Variants in BMP1 observed in about 807,000 individuals in gnomAD.
BMP1 encodes the protein bone morphogenetic protein 1, also known as mammalian tolloid protein.
In BMP1, 63 loss-of-function variants were observed where a neutral mutation model predicts 116.8. That is an observed-to-expected ratio of 0.54 (90% CI 0.44 to 0.67). The LOEUF is 0.67. Among genes scored for constraint, BMP1 ranks in the 30% least tolerant of loss-of-function variants. The pLI, the probability that BMP1 is intolerant of heterozygous loss-of-function variation, is 0.00. For missense variants in BMP1, 1,183 were observed against 1,358.9 expected, an observed-to-expected ratio of 0.87 and a Z score of 2.04; for synonymous variants, 536 against 533.4, an observed-to-expected ratio of 1.00 and a Z score of -0.07.
rs1586443014 is a variant in BMP1 at position 22,179,147 on chromosome 8, C to A, written c.837-558C>A. The stretch of plus-strand genomic sequence containing the variant: ...ATTCAGCAGGGAGGAATGGCCAGGA[C>A]AGGAGACACTGATAGATTGGGAGCT... On this transcript the variant is annotated intron_variant, in intron 6 of 19. Coordinates refer to ENST00000306385, the MANE Select transcript of BMP1 (RefSeq NM_006129.5). This position sits in a 1 kb window ranked among gnomAD's most constrained non-coding sequence, Gnocchi z 4.6. Among the ~76,000 whole-genome samples, 1 of 152,332 alleles carries A rather than the reference C, an allele frequency of 6.6e-6. No individual in the cohort carries two copies. Among genetic ancestry groups the A allele is most frequent in the East Asian group, 1.9e-4 (1 of 5,188 alleles).
chr8:22,206,973 G>A lies in BMP1; in HGVS notation c.2353G>A (p.Val785Ile). 1.2e-6 allele frequency: 2 copies of A among 1,614,144 alleles called. No individual in the cohort carries two copies. The highest frequency in any genetic ancestry group is 1.7e-6 in the Non-Finnish European group (2 of 1,180,004). The stretch of plus-strand genomic sequence containing the variant: ...CATCTCCAGCACCCCCGGGCACCGG[G>A]TCAAGCTGGTAAGGGGTCCCCTCCC... ...WAISSTPGHR[V>I]KLTFMEMDIE... The change falls in exon 17 of 20, where the codon GTC becomes ATC. Residue 785 changes from valine to isoleucine, a missense_variant. Around this residue, in one of 4 missense-constraint regions of BMP1, gnomAD observed 956 missense variants for 1,135.2 expected, o/e 0.84. Coordinates refer to ENST00000306385, the MANE Select transcript of BMP1 (RefSeq NM_006129.5).
chr8:22,201,329 C>A, intron 15 of BMP1: 1 of 1,502,240 alleles, frequency 6.7e-7, no homozygotes, highest in Non-Finnish European at 8.8e-7. Flanking sequence ...TCCCTCTGGC[C>A]GGACAGAACT....
intron 1 of BMP1, chr8:22,170,606 G>C (rs1400115763): frequency 6.6e-6 from 1 of 152,180 alleles, no homozygotes; most frequent in Non-Finnish European, 1.5e-5. Context: ...ACCTGTATGC[G>C]GTGATGCCTG....
intron 15 of BMP1, chr8:22,199,212 G>A (rs1233488695): frequency 1.5e-6 from 2 of 1,367,580 alleles, no homozygotes; most frequent in Non-Finnish European, 2.0e-6. Context: ...CCCCACTGGG[G>A]GCATCGAGGC....
chr8:22,206,720 G>A (rs1829363777), intron 16 of BMP1, 134 bp from the exon 17 acceptor site: 3 of 1,321,014 alleles, frequency 2.3e-6, no homozygotes, highest in East Asian at 2.4e-5. Flanking sequence ...AACGATGCCT[G>A]CCTGCCATCC....
At chr8:22,205,784 T>G (rs1037933998) in intron 16 of BMP1, among the ~76,000 whole-genome samples, 1 of 152,104 alleles carries the variant, frequency 6.6e-6, no homozygotes, top group East Asian at 1.9e-4. Context: ...TTGTTTTTGT[T>G]TTTTAATTTT....
chr8:22,185,203 G>A (rs1049737236), intron 8 of BMP1, among the ~76,000 whole-genome samples: 3 of 152,172 alleles, frequency 2.0e-5, no homozygotes, highest in African/African-American at 7.2e-5. Context: ...TGTAATCCCA[G>A]CACTTTGGGA....
intron 1 of BMP1, 109 bp from the exon 2 acceptor site, chr8:22,173,493 C>T (rs975630412): frequency 2.6e-5 from 17 of 663,086 alleles, no homozygotes; most frequent in Admixed American, 1.7e-4. Flanking sequence ...GGATCACAGT[C>T]GCTGTGGAGG....
Position 22,192,105 on chromosome 8 carries a change from C to A in BMP1, c.1134C>A (p.Asp378Glu), listed in dbSNP as rs765681002. The change falls in exon 9 of 20, where the codon GAC becomes GAA. Residue 378 changes from aspartate to glutamate, a missense_variant. Physicochemically the swap from Asp to Glu is conservative, Grantham distance 45. Around this residue, in one of 4 missense-constraint regions of BMP1, gnomAD observed 956 missense variants for 1,135.2 expected, o/e 0.84. Transcript: ENST00000306385. ...DLYRSRLCWYDYVEVRDGFWR... is the reference protein window; with the variant it reads ...DLYRSRLCWYEYVEVRDGFWR... ...ACCGCAGCCGCCTGTGCTGGTACGA[C>A]TATGTGGAGGTCCGAGATGGCTTCT... 4 of 1,613,912 alleles carry A rather than the reference C, an allele frequency of 2.5e-6. No individual in the cohort carries two copies. The highest frequency in any genetic ancestry group is 2.2e-5 in the East Asian group (1 of 44,894).
intron 8 of BMP1, among the ~76,000 whole-genome samples, chr8:22,185,483 A>T (rs1405842527): frequency 2.0e-5 from 3 of 151,944 alleles, no homozygotes; most frequent in Admixed American, 2.0e-4. Flanking sequence ...AAATAAAAAT[A>T]AAAAAAAGAA....
intron 19 of BMP1, among the ~76,000 whole-genome samples, chr8:22,210,464 T>TCACACACA (rs1261150197): frequency 6.6e-5 from 6 of 90,548 alleles, no homozygotes; most frequent in African/African-American, 5.1e-4. Flanking sequence ...TCTCTCTCTC[T>TCACACACA]CTCTCACACA....
intron 1 of BMP1, among the ~76,000 whole-genome samples, chr8:22,167,907 G>A (rs974363122): frequency 2.0e-5 from 3 of 152,138 alleles, no homozygotes; most frequent in Non-Finnish European, 4.4e-5. Context: ...TGTTCTCCAC[G>A]TTTCCTTCTC....
At position 22,209,698 on chromosome 8, in the gene BMP1, G is replaced by A; in HGVS notation, c.2826+3G>A. 1.2e-6 allele frequency: 2 copies of A among 1,612,802 alleles called. No individual in the cohort carries two copies. The highest frequency in any genetic ancestry group is 1.1e-5 in the South Asian group (1 of 91,052). ...TGGGGCGCTACTGTGGCTCAGGGGT[G>A]AGGCCCCCACCCCTCGCCCTCCTGG... On this transcript the variant is annotated splice_donor_region_variant and intron_variant, in intron 19 of 19. Coordinates refer to ENST00000306385, the MANE Select transcript of BMP1 (RefSeq NM_006129.5).
Position 22,209,551 on chromosome 8 carries a change from T to C in BMP1, c.2682T>C (p.Ile894=), listed in dbSNP as rs376276527. 38 of 1,614,088 alleles carry C rather than the reference T, an allele frequency of 2.4e-5. No homozygotes were observed. The highest frequency in any genetic ancestry group is 3.1e-5 in the Non-Finnish European group (36 of 1,180,030). The change falls in exon 19 of 20, where the codon ATT becomes ATC. Residue 894 remains isoleucine, a synonymous_variant. Transcript: ENST00000306385. ...YPGGVDCEWV[I]VAEEGYGVEL... is the part of the protein sequence containing the mutation. The stretch of plus-strand genomic sequence containing the variant: ...GGGGTGTGGACTGTGAGTGGGTCAT[T>C]GTGGCCGAGGAAGGCTACGGCGTGG...
chr8:22,182,716 G>A (rs1828658225), intron 8 of BMP1, among the ~76,000 whole-genome samples: 1 of 152,204 alleles, frequency 6.6e-6, no homozygotes, highest in African/African-American at 2.4e-5. Flanking sequence ...TTTCACTGGG[G>A]ATTGACGTTT....
At chr8:22,205,278 G>A (rs1173154303) in intron 16 of BMP1, among the ~76,000 whole-genome samples, 1 of 152,178 alleles carries the variant, frequency 6.6e-6, no homozygotes, top group Admixed American at 6.5e-5. Context: ...CCAATCCAAA[G>A]AGTATCAAGT....
chr8:22,210,364 CTTCT>C lies in BMP1; in HGVS notation c.2826+672_2826+675del, dbSNP rs1378104012. 8.9e-3 allele frequency among the ~76,000 whole-genome samples: 1,157 copies of C among 130,424 alleles called. 11 individuals are homozygous for C. The highest frequency in any genetic ancestry group is 0.036 in the African/African-American group (1,087 of 30,000). 85.6% of individuals were successfully genotyped at this position (130,424 alleles called of 152,430 possible). On this transcript the variant is annotated intron_variant, in intron 19 of 19. Coordinates refer to ENST00000306385, the MANE Select transcript of BMP1 (RefSeq NM_006129.5). ...CTGTAAGAGCTTGCAGCTGCCTCTT[CTTCT>C]TTTTTTTTTTTTTTTTTTGTCCTTT...
In BMP1 at chr8:22,192,039, G is replaced by A. The variant is rs1196199323; in HGVS notation, c.1078-10G>A. ...GACAGCTTAACCCTCTTCCTCCCCT[G>A]TTGCCCTAGATCATCCTGAACTTCA... On this transcript the variant is annotated splice_polypyrimidine_tract_variant and intron_variant, in intron 8 of 19. Coordinates refer to ENST00000306385, the MANE Select transcript of BMP1 (RefSeq NM_006129.5). 6.2e-7 allele frequency: 1 copy of A among 1,609,306 alleles called. No individual in the cohort carries two copies. The highest frequency in any genetic ancestry group is 1.3e-5 in the African/African-American group (1 of 74,832).
At chr8:22,205,013 C>T (rs1829327621) in intron 16 of BMP1, among the ~76,000 whole-genome samples, 1 of 152,156 alleles carries the variant, frequency 6.6e-6, no homozygotes, top group Non-Finnish European at 1.5e-5. Context: ...CAATGAGCTG[C>T]ACCTCCCAGA....
Sources: gnomAD v4.1 joint callset for allele counts (sites outside exome capture counted in the v4.1 genomes callset) on GRCh38, gnomAD v4.1.1 for gene constraint, gnomAD v4.1.1 regional missense constraint, Gnocchi (gnomAD v3.1) non-coding constraint, MANE v1.5 for transcripts, NCBI Gene and HGNC (gene_info 2026-07-23, HGNC 2026-07-21) for gene names.